Variants in MAGI2 observed in about 807,000 individuals in gnomAD.
MAGI2 encodes membrane-associated guanylate kinase, WW and PDZ domain-containing protein 2.
A neutral mutation model predicts 133.3 loss-of-function variants in MAGI2; 35 were observed. That is an observed-to-expected ratio of 0.26 (90% CI 0.20 to 0.35). The LOEUF (loss-of-function observed/expected upper bound fraction) is 0.35, where lower values mean the gene tolerates loss of function less well. Among genes scored for constraint, MAGI2 ranks in the 10% least tolerant of loss-of-function variants. MAGI2 has a pLI of 1.00. For synonymous variants in MAGI2, 729 were observed against 710.6 expected (o/e 1.03, Z -0.41); for missense variants, 1,636 against 1,863.4 (o/e 0.88, Z 2.25).
chr7:78,711,153 T>C (rs549680653), intron 2 of MAGI2, among the ~76,000 whole-genome samples: 102 of 152,272 alleles, frequency 6.7e-4, no homozygotes, highest in African/African-American at 2.3e-3. Context: ...TTGCACATCA[T>C]TGAAGTTTAC....
At chr7:78,823,255 C>G (rs1198555471) in intron 2 of MAGI2, among the ~76,000 whole-genome samples, 1 of 152,082 alleles carries the variant, frequency 6.6e-6, no homozygotes, top group African/African-American at 2.4e-5. Flanking sequence ...AGATCAAAAG[C>G]TGTGGGTTGA....
intron 2 of MAGI2, among the ~76,000 whole-genome samples, chr7:78,980,230 G>A (rs1202355384): frequency 6.6e-6 from 1 of 151,644 alleles, no homozygotes; most frequent in Non-Finnish European, 1.5e-5. Context: ...GATTAAATGA[G>A]TTGAGTCAGG....
intron 3 of MAGI2, among the ~76,000 whole-genome samples, chr7:78,525,331 T>C (rs1796856997): frequency 6.6e-6 from 1 of 152,134 alleles, no homozygotes; most frequent in South Asian, 2.1e-4. Context: ...TTTTATCTCA[T>C]TGCATAAGAA....
intron 9 of MAGI2, among the ~76,000 whole-genome samples, chr7:78,303,378 C>CAA (rs11377993): frequency 0.17 from 5,626 of 33,052 alleles, 703 homozygotes; most frequent in Non-Finnish European, 0.22. Context: ...AAACTGTCTC[C>CAA]AAAAAAAAAA....
chr7:78,260,699 C>T (rs914799754), intron 9 of MAGI2, among the ~76,000 whole-genome samples: 1 of 152,086 alleles, frequency 6.6e-6, no homozygotes, highest in African/African-American at 2.4e-5. Context: ...GGGCTACTGA[C>T]CTCAGGCCTG....
At chr7:79,019,765 G>A (rs551048322) in intron 1 of MAGI2, among the ~76,000 whole-genome samples, 50 of 152,104 alleles carry the variant, frequency 3.3e-4, no homozygotes, top group African/African-American at 1.1e-3. Context: ...GGCTTGTCTC[G>A]AACTCCTGAC....
intron 2 of MAGI2, among the ~76,000 whole-genome samples, chr7:78,973,146 T>C (rs889751452): frequency 6.6e-6 from 1 of 151,962 alleles, no homozygotes; most frequent in African/African-American, 2.4e-5. Flanking sequence ...AATTATGCTC[T>C]GGGGTGTTTT....
intron 2 of MAGI2, among the ~76,000 whole-genome samples, chr7:78,935,569 C>G (rs546299476): frequency 5.3e-5 from 8 of 152,142 alleles, no homozygotes; most frequent in Admixed American, 3.3e-4. Context: ...ATAAATCAGG[C>G]ATGGAATGTC....
At chr7:78,487,217 G>A (rs914126617) in intron 6 of MAGI2, 17 of 246,392 alleles carry the variant, frequency 6.9e-5, no homozygotes, top group Middle Eastern at 1.6e-3. Context: ...GCATTGCTAC[G>A]GAGTTTCTAA....
At chr7:78,486,747 T>C in intron 6 of MAGI2, 1 of 419,462 alleles carries the variant, frequency 2.4e-6, no homozygotes, top group Non-Finnish European at 4.7e-6. Flanking sequence ...GGTATATCCA[T>C]GGCCTCCTGC....
At chr7:78,544,386 G>A (rs958325255) in intron 3 of MAGI2, among the ~76,000 whole-genome samples, 12 of 152,138 alleles carry the variant, frequency 7.9e-5, no homozygotes, top group African/African-American at 2.4e-4. Context: ...TTATAAAATG[G>A]GTCTTTTTAG....
chr7:79,341,582 GC>G (rs1166507522), intron 1 of MAGI2, among the ~76,000 whole-genome samples: 4 of 152,112 alleles, frequency 2.6e-5, no homozygotes, highest in African/African-American at 9.7e-5. Context: ...CATTTGAGAT[GC>G]CTTTACCTTA....
chr7:78,316,153 A>G (rs1466608146), intron 9 of MAGI2, among the ~76,000 whole-genome samples: 1 of 152,120 alleles, frequency 6.6e-6, no homozygotes, highest in Non-Finnish European at 1.5e-5. Context: ...TGCAGCTACT[A>G]CTTTAAATGA....
intron 15 of MAGI2, among the ~76,000 whole-genome samples, chr7:78,162,922 T>A (rs542662149): frequency 6.6e-6 from 1 of 152,192 alleles, no homozygotes; most frequent in Non-Finnish European, 1.5e-5. Context: ...TTCTTTCCAA[T>A]GGTCTTTCCT....
rs1376939914 is a variant in MAGI2, at chr7:78,253,411, T to C, written c.2047+2532A>G. The stretch of plus-strand genomic sequence containing the variant: ...GTTTGGGAGAATTCGGGATGATGGA[T>C]GTTCTAAGGATTATGATGATTGTTG... On this transcript the variant is annotated intron_variant, in intron 10 of 21. Coordinates refer to ENST00000354212, the MANE Select transcript of MAGI2 (RefSeq NM_012301.4). 2 of 152,250 alleles carry C rather than the reference T, an allele frequency of 1.3e-5. 1 individual carries two copies. Among genetic ancestry groups the C allele is most frequent in the Non-Finnish European group, 2.9e-5 (2 of 68,036 alleles). The allele number at this position is 152,250 out of a possible 1,614,324, so 9.4% of individuals were successfully genotyped here.
At chr7:78,301,433 T>C (rs1480772971) in intron 9 of MAGI2, among the ~76,000 whole-genome samples, 1 of 152,166 alleles carries the variant, frequency 6.6e-6, no homozygotes, top group East Asian at 1.9e-4. Flanking sequence ...GTGCTGTGAA[T>C]CCATCAAGTA....
chr7:78,863,248 T>G (rs1395154240), intron 2 of MAGI2, among the ~76,000 whole-genome samples: 1 of 152,216 alleles, frequency 6.6e-6, no homozygotes, highest in Non-Finnish European at 1.5e-5. Flanking sequence ...AAACCACTTG[T>G]CTGTTTAGTG....
intron 1 of MAGI2, among the ~76,000 whole-genome samples, chr7:79,323,438 G>C (rs769466195): frequency 7.2e-5 from 11 of 152,120 alleles, no homozygotes; most frequent in Non-Finnish European, 1.6e-4. Flanking sequence ...TTTAATGTGA[G>C]AGGCGAGGGC....
chr7:78,613,967 G>A (rs1262813598), intron 3 of MAGI2, among the ~76,000 whole-genome samples: 1 of 151,720 alleles, frequency 6.6e-6, no homozygotes, highest in African/African-American at 2.4e-5. Flanking sequence ...AAAATTAGTT[G>A]GGTGTGGTGG....
Sources: gnomAD v4.1 joint callset for allele counts (sites outside exome capture counted in the v4.1 genomes callset) on GRCh38, gnomAD v4.1.1 for gene constraint, MANE v1.5 for transcripts, NCBI Gene and HGNC (gene_info 2026-07-23, HGNC 2026-07-21) for gene names.